CNTNAP5: variants seen among roughly 807,000 people sequenced by gnomAD.
CNTNAP5 encodes the protein contactin associated protein family member 5.
Under a neutral mutation model 150.2 loss-of-function variants are expected in CNTNAP5, and 72 were observed. The ratio of observed to expected loss-of-function variants is 0.48; its 90% CI spans 0.40 to 0.58. The LOEUF is 0.58. CNTNAP5 is among the 20% of genes least tolerant of loss of function. The pLI is 0.00. For synonymous variants in CNTNAP5, 672 were observed against 619.8 expected (o/e 1.08, Z -1.25); for missense variants, 1,636 against 1,626.2 (o/e 1.01, Z -0.10).
At chr2:124,069,007 T>C (rs1682233976) in intron 1 of CNTNAP5, among the ~76,000 whole-genome samples, 1 of 152,098 alleles carries the variant, frequency 6.6e-6, no homozygotes, top group Non-Finnish European at 1.5e-5. Flanking sequence ...CCAGCTTGGC[T>C]ACAGTGTAGT....
At chr2:124,502,525 T>G (rs370111815) in intron 7 of CNTNAP5, among the ~76,000 whole-genome samples, 7 of 152,302 alleles carry the variant, frequency 4.6e-5, no homozygotes, top group African/African-American at 1.4e-4. Flanking sequence ...CCTCAGACTT[T>G]GAATGCAGCT....
intron 12 of CNTNAP5, among the ~76,000 whole-genome samples, chr2:124,629,798 A>G (rs1677807510): frequency 6.7e-6 from 1 of 148,914 alleles, no homozygotes; most frequent in African/African-American, 2.5e-5. Flanking sequence ...TGAAAAAACC[A>G]ATAAAATAGA....
intron 8 of CNTNAP5, among the ~76,000 whole-genome samples, chr2:124,515,480 A>G (rs1212957468): frequency 1.3e-5 from 2 of 152,320 alleles, no homozygotes; most frequent in African/African-American, 4.8e-5. Flanking sequence ...ATTCTAGTCA[A>G]GGAAAACCTG....
intron 19 of CNTNAP5, among the ~76,000 whole-genome samples, chr2:124,840,604 C>T (rs1409342557): frequency 3.3e-5 from 5 of 152,030 alleles, no homozygotes; most frequent in African/African-American, 9.7e-5. Context: ...GAACATGGAG[C>T]CCTGCCCCCT....
intron 19 of CNTNAP5, among the ~76,000 whole-genome samples, chr2:124,801,371 C>A (rs550443681): frequency 2.0e-5 from 3 of 152,254 alleles, no homozygotes; most frequent in Middle Eastern, 3.4e-3. Flanking sequence ...CTACAGCAAT[C>A]TAACTAGAAG....
chr2:124,909,753 T>A (rs2104766981), intron 22 of CNTNAP5, among the ~76,000 whole-genome samples: 1 of 146,276 alleles, frequency 6.8e-6, no homozygotes, highest in African/African-American at 2.5e-5. Context: ...TTTCCTTCTC[T>A]TTATCTGCCC....
At chr2:124,290,911 T>TTTAA (rs981248368) in intron 3 of CNTNAP5, among the ~76,000 whole-genome samples, 1 of 135,396 alleles carries the variant, frequency 7.4e-6, no homozygotes, top group Non-Finnish European at 1.6e-5. Flanking sequence ...TATTTATTTA[T>TTTAA]TTATTTTAAG....
chr2:124,515,088 C>G (rs1429062466), intron 8 of CNTNAP5, among the ~76,000 whole-genome samples: 1 of 152,170 alleles, frequency 6.6e-6, no homozygotes, highest in Non-Finnish European at 1.5e-5. Context: ...CTGATCAAGG[C>G]TTTTCAGGAT....
chr2:124,116,807 A>G (rs1334223719), intron 1 of CNTNAP5, among the ~76,000 whole-genome samples: 1 of 152,154 alleles, frequency 6.6e-6, no homozygotes, highest in African/African-American at 2.4e-5. Context: ...TTCCTCCTAC[A>G]TCATCTTTTG....
At chr2:124,370,206 C>T (rs1038792591) in intron 3 of CNTNAP5, among the ~76,000 whole-genome samples, 9 of 152,104 alleles carry the variant, frequency 5.9e-5, no homozygotes, top group African/African-American at 2.2e-4. Flanking sequence ...AAAACTAAAG[C>T]TACGTACGTG....
intron 2 of CNTNAP5, among the ~76,000 whole-genome samples, chr2:124,230,499 T>C (rs2195616): frequency 5.8e-4 from 57 of 98,708 alleles, no homozygotes; most frequent in South Asian, 4.7e-3. Context: ...CTTTTGTGTG[T>C]GTGTGTGTGT....
intron 1 of CNTNAP5, among the ~76,000 whole-genome samples, chr2:124,059,410 A>G (rs1364530465): frequency 2.5e-4 from 38 of 152,268 alleles, no homozygotes; most frequent in Non-Finnish European, 2.9e-5. Context: ...TTTTCTGCCC[A>G]AAGGAAAACT....
Position 124,512,230 on chromosome 2 carries a change from G to A in CNTNAP5, c.1327+7674G>A, listed in dbSNP as rs535651036. On this transcript the variant is annotated intron_variant, in intron 8 of 23. Transcript: ENST00000682447. ...AGAGCCCACTTTGGATTCCATTAAA[G>A]CATCTTCTCCCCAGAGCTTCCTAGA... 1.7e-4 allele frequency among the ~76,000 whole-genome samples: 26 copies of A among 152,016 alleles called. No individual in the cohort carries two copies. In the South Asian group the frequency reaches 5.4e-3, roughly 32 times the overall value.
chr2:124,799,664 T>A (rs1415608830), intron 19 of CNTNAP5, among the ~76,000 whole-genome samples: 4 of 152,228 alleles, frequency 2.6e-5, no homozygotes, highest in Non-Finnish European at 5.9e-5. Flanking sequence ...GCTTTATTTT[T>A]TCTTTGGTTT....
At chr2:124,872,553 G>A (rs1019222730) in intron 21 of CNTNAP5, among the ~76,000 whole-genome samples, 1 of 151,344 alleles carries the variant, frequency 6.6e-6, no homozygotes, top group African/African-American at 2.4e-5. Flanking sequence ...TACCAATTTA[G>A]GACAATTTTA....
intron 19 of CNTNAP5, among the ~76,000 whole-genome samples, chr2:124,806,260 T>C (rs932059932): frequency 6.6e-6 from 1 of 152,110 alleles, no homozygotes; most frequent in Non-Finnish European, 1.5e-5. Flanking sequence ...AGAAGTTACA[T>C]ATACAGTGAG....
rs112252188 is a variant in CNTNAP5 at position 124,857,099 on chromosome 2, G to A, written c.3218-8207G>A. On this transcript the variant is annotated intron_variant, in intron 19 of 23. Transcript: ENST00000682447. ...TGTATTCCTTGGAGACCAAGGCATT[G>A]TGTTGGCCAAATGAAGTTGTGGGGT... is the stretch of plus-strand genomic sequence containing the variant. Among the ~76,000 whole-genome samples, 747 of 152,238 alleles carry A rather than the reference G, an allele frequency of 4.9e-3. 7 individuals carry two copies. The highest frequency in any genetic ancestry group is 0.016 in the African/African-American group (680 of 41,544).
At chr2:124,272,263 T>G (rs1482177546) in intron 3 of CNTNAP5, among the ~76,000 whole-genome samples, 1 of 152,208 alleles carries the variant, frequency 6.6e-6, no homozygotes, top group East Asian at 1.9e-4. Flanking sequence ...CTTCCAGTTT[T>G]CATTTATTTT....
intron 21 of CNTNAP5, among the ~76,000 whole-genome samples, chr2:124,890,753 A>G (rs372794759): frequency 2.6e-5 from 4 of 152,158 alleles, no homozygotes; most frequent in African/African-American, 7.2e-5. Context: ...ACATTAGTGC[A>G]GGAAGGTTGA....
Sources: gnomAD v4.1 joint callset for allele counts (sites outside exome capture counted in the v4.1 genomes callset) on GRCh38, gnomAD v4.1.1 for gene constraint, MANE v1.5 for transcripts, NCBI Gene and HGNC (gene_info 2026-07-23, HGNC 2026-07-21) for gene names.